The following FMNL2 variants were observed in gnomAD, a reference collection of about 807,000 sequenced individuals.
FMNL2 encodes formin-like protein 2.
In FMNL2, 51 loss-of-function variants were observed where a neutral mutation model predicts 130.2. The ratio of observed to expected loss-of-function variants is 0.39; its 90% CI spans 0.31 to 0.49. The LOEUF (loss-of-function observed/expected upper bound fraction) is 0.49, where lower values mean the gene tolerates loss of function less well. FMNL2 is among the 20% of genes least tolerant of loss of function. The pLI is 0.85. For missense variants in FMNL2, 977 were observed against 1,316.2 expected, an observed-to-expected ratio of 0.74 and a Z score of 3.99; for synonymous variants, 465 against 467.1, an observed-to-expected ratio of 1.00 and a Z score of 0.06.
rs1286078800 is a variant in FMNL2 at position 152,399,023 on chromosome 2, G to A, written c.117+63303G>A. On this transcript the variant is annotated intron_variant, in intron 1 of 25. Coordinates refer to ENST00000288670, the MANE Select transcript of FMNL2 (RefSeq NM_052905.4). ...GAGAGAAGAATGTGGTGGCCACGGA[G>A]ACAGGAACACTTGGGTGCTGCCCCA... Among the ~76,000 whole-genome samples the A allele has an allele frequency of 2.0e-5, 3 of 152,230 alleles. No homozygotes were observed. In the East Asian group the frequency reaches 5.8e-4, roughly 29 times the overall value.
intron 6 of FMNL2, among the ~76,000 whole-genome samples, chr2:152,574,434 C>CAAAAAAAAAAAA (rs57776446): frequency 2.8e-5 from 3 of 106,948 alleles, no homozygotes; most frequent in Non-Finnish European, 3.8e-5. Context: ...GACTCTGTCT[C>CAAAAAAAAAAAA]AAAAAAAAAA....
intron 4 of FMNL2, 82 bp downstream of exon 4, chr2:152,549,179 C>T: frequency 1.1e-6 from 1 of 933,410 alleles, no homozygotes; most frequent in Non-Finnish European, 1.6e-6. Flanking sequence ...AAGAATTGAG[C>T]TTCCTTATGG....
rs1199223467 is a variant in FMNL2 at position 152,342,982 on chromosome 2, ACT to A, written c.117+7267_117+7268del. 2.6e-5 allele frequency among the ~76,000 whole-genome samples: 4 copies of A among 152,170 alleles called. No individual in the cohort carries two copies. In the East Asian group the frequency reaches 7.7e-4, roughly 29 times the overall value. On this transcript the variant is annotated intron_variant, in intron 1 of 25. Coordinates refer to ENST00000288670, the MANE Select transcript of FMNL2 (RefSeq NM_052905.4). ...GTTCACTGGTAGGCAATTATCACAA[ACT>A]CTCTATGATTTCTAGTCTTGTATAG...
At chr2:152,634,857 T>C (rs1682452617) in intron 21 of FMNL2, among the ~76,000 whole-genome samples, 2 of 152,124 alleles carry the variant, frequency 1.3e-5, no homozygotes, top group Admixed American at 6.5e-5. Context: ...GATGTAATGG[T>C]TTCGCTGGAA....
At chr2:152,535,621 C>G (rs1394250632) in intron 2 of FMNL2, among the ~76,000 whole-genome samples, 1 of 152,112 alleles carries the variant, frequency 6.6e-6, no homozygotes, top group African/African-American at 2.4e-5. Flanking sequence ...GTGTTAGTGC[C>G]TGGAAACAGG....
At chr2:152,492,357 G>A (rs959771019) in intron 1 of FMNL2, among the ~76,000 whole-genome samples, 1 of 152,144 alleles carries the variant, frequency 6.6e-6, no homozygotes, top group African/African-American at 2.4e-5. Flanking sequence ...TTGTAAGATC[G>A]TTTTCTAAAA....
intron 9 of FMNL2, among the ~76,000 whole-genome samples, chr2:152,592,988 G>T (rs1697519463): frequency 6.6e-6 from 1 of 152,196 alleles, no homozygotes; most frequent in Non-Finnish European, 1.5e-5. Context: ...ACAGGGCCCA[G>T]TGGGAGAAGT....
chr2:152,390,003 A>T, intron 1 of FMNL2: 1 of 1,559,118 alleles, frequency 6.4e-7, no homozygotes, highest in Non-Finnish European at 8.8e-7. Context: ...GCAGCTAGAG[A>T]TTGACCAGAA....
chr2:152,632,754 T>C (rs1398075094), intron 21 of FMNL2, among the ~76,000 whole-genome samples: 2 of 152,202 alleles, frequency 1.3e-5, no homozygotes, highest in Non-Finnish European at 2.9e-5. Context: ...AGAAACCTGG[T>C]CTTACTTCTC....
At chr2:152,606,090 A>AAT (rs1294733256) in intron 9 of FMNL2, among the ~76,000 whole-genome samples, 4 of 152,228 alleles carry the variant, frequency 2.6e-5, no homozygotes, top group East Asian at 1.9e-4. Flanking sequence ...TCTTCACCAA[A>AAT]ATATATATAT....
chr2:152,458,348 T>G (rs1280418985), intron 1 of FMNL2, among the ~76,000 whole-genome samples: 1 of 152,198 alleles, frequency 6.6e-6, no homozygotes, highest in Non-Finnish European at 1.5e-5. Context: ...CCTTCTTATC[T>G]TAGTCCGGAG....
At chr2:152,558,619 C>G in intron 4 of FMNL2, 121 bp from the exon 5 acceptor site, 1 of 833,736 alleles carries the variant, frequency 1.2e-6, no homozygotes, top group Middle Eastern at 2.6e-4. Context: ...GCCTTCCTCC[C>G]TATGTCCTTT....
At chr2:152,345,705 T>G (rs1052809448) in intron 1 of FMNL2, among the ~76,000 whole-genome samples, 1 of 152,196 alleles carries the variant, frequency 6.6e-6, no homozygotes, top group African/African-American at 2.4e-5. Context: ...CCAAATGTTT[T>G]GGGACCAGGA....
chr2:152,547,611 G>A (rs1390635828), intron 3 of FMNL2, among the ~76,000 whole-genome samples: 3 of 152,290 alleles, frequency 2.0e-5, no homozygotes, highest in Non-Finnish European at 2.9e-5. Context: ...GTGCTGAGCC[G>A]TGCTTCAGGC....
At chr2:152,544,529 G>A (rs1053592259) in intron 3 of FMNL2, among the ~76,000 whole-genome samples, 3 of 152,102 alleles carry the variant, frequency 2.0e-5, no homozygotes, top group Admixed American at 2.0e-4. Flanking sequence ...TTTTAGAATC[G>A]ATTTCTAAAG....
chr2:152,405,955 TA>T (rs1357144140), intron 1 of FMNL2, among the ~76,000 whole-genome samples: 28 of 152,236 alleles, frequency 1.8e-4, no homozygotes, highest in African/African-American at 6.3e-4. Flanking sequence ...ATTCAGAAGC[TA>T]GGGGGATGTA....
At chr2:152,591,725 G>A (rs987032944) in intron 9 of FMNL2, among the ~76,000 whole-genome samples, 2 of 152,222 alleles carry the variant, frequency 1.3e-5, no homozygotes, top group African/African-American at 4.8e-5. Flanking sequence ...AGGATTGCTT[G>A]GGTCTAGGGG....
At chr2:152,440,153 C>A (rs983431400) in intron 1 of FMNL2, among the ~76,000 whole-genome samples, 7 of 152,088 alleles carry the variant, frequency 4.6e-5, no homozygotes, top group Admixed American at 2.6e-4. Context: ...CCAGGTCTCG[C>A]TATGTTGCCC....
At chr2:152,360,995 T>A (rs1226638815) in intron 1 of FMNL2, among the ~76,000 whole-genome samples, 6 of 152,170 alleles carry the variant, frequency 3.9e-5, no homozygotes, top group African/African-American at 1.4e-4. Flanking sequence ...ATTGGAAACA[T>A]TTGCTTTTTC....
Sources: allele counts gnomAD v4.1 joint callset (sites outside exome capture counted in the v4.1 genomes callset), GRCh38; gene constraint gnomAD v4.1.1; transcripts MANE v1.5; gene names NCBI Gene and HGNC (gene_info 2026-07-23, HGNC 2026-07-21).